HSDL1: variants seen among roughly 807,000 people sequenced by gnomAD.
The protein encoded by HSDL1 is hydroxysteroid dehydrogenase like 1, also known as inactive hydroxysteroid dehydrogenase-like protein 1.
HSDL1 carries 29 observed loss-of-function variants against 31.5 expected under a neutral mutation model. That is an observed-to-expected ratio of 0.92 (90% confidence interval 0.69 to 1.26). HSDL1 has a LOEUF of 1.26. HSDL1 is among the 50% of genes most tolerant of loss of function. The pLI is 0.00. For synonymous variants in HSDL1, 222 were observed against 155.2 expected (o/e 1.43, Z -3.20); for missense variants, 503 against 416.6 (o/e 1.21, Z -1.81).
chr16:84,135,982 C>A (rs1464830474), intron 1 of HSDL1, among the ~76,000 whole-genome samples: 1 of 152,256 alleles, frequency 6.6e-6, no homozygotes, highest in East Asian at 1.9e-4. Flanking sequence ...AGAGCAGCCA[C>A]AGCTGTCCTC....
At chr16:84,129,887 T>TC (rs1443197330) in intron 4 of HSDL1, 99 bp downstream of exon 4, 25 of 1,402,046 alleles carry the variant, frequency 1.8e-5, no homozygotes, top group African/African-American at 4.3e-5. Context: ...GATAAGCATA[T>TC]GTGAGTTGCT....
chr16:84,126,615 G>C (rs919369791), intron 5 of HSDL1, among the ~76,000 whole-genome samples: 5 of 152,188 alleles, frequency 3.3e-5, no homozygotes, highest in Admixed American at 6.5e-5. Flanking sequence ...AAGAGAGACA[G>C]GCCCTTGGCA....
chr16:84,139,751 T>A (rs1362986899), intron 1 of HSDL1, among the ~76,000 whole-genome samples: 30 of 152,220 alleles, frequency 2.0e-4, no homozygotes, highest in Non-Finnish European at 4.4e-5. Flanking sequence ...AACCACTATG[T>A]GTATTCAGGA....
chr16:84,129,131 T>A (rs2086636539), intron 5 of HSDL1, among the ~76,000 whole-genome samples: 1 of 152,158 alleles, frequency 6.6e-6, no homozygotes, highest in East Asian at 1.9e-4. Context: ...GCCTGTAATC[T>A]CAGCACTTTG....
intron 1 of HSDL1, among the ~76,000 whole-genome samples, chr16:84,137,051 G>C (rs528198608): frequency 6.6e-6 from 1 of 152,324 alleles, no homozygotes; most frequent in East Asian, 1.9e-4. Context: ...CAAACTTCTA[G>C]AACAGCAATG....
chr16:84,142,605 T>A (rs1370376092), intron 1 of HSDL1, among the ~76,000 whole-genome samples: 1 of 151,902 alleles, frequency 6.6e-6, no homozygotes, highest in African/African-American at 2.4e-5. Context: ...CTGGCTAATT[T>A]TTGTATTTTT....
At chr16:84,144,608 C>G (rs1470419674) in intron 1 of HSDL1, among the ~76,000 whole-genome samples, 1 of 152,132 alleles carries the variant, frequency 6.6e-6, no homozygotes, top group African/African-American at 2.4e-5. Flanking sequence ...CAAACCAAAT[C>G]GTTCAGAAAT....
chr16:84,131,804 G>A (rs539746955), intron 2 of HSDL1, among the ~76,000 whole-genome samples: 77 of 150,838 alleles, frequency 5.1e-4, no homozygotes, highest in African/African-American at 1.7e-3. Context: ...CTCAGCCTCC[G>A]GAGTAGCTGG....
chr16:84,140,292 T>A (rs556799661), intron 1 of HSDL1, among the ~76,000 whole-genome samples: 2 of 152,268 alleles, frequency 1.3e-5, no homozygotes, highest in South Asian at 2.1e-4. Flanking sequence ...TTAGGCCGAG[T>A]CTTGTTCTGT....
In HSDL1 at chr16:84,135,575, T is replaced by G. The variant is rs1194679301; in HGVS notation, c.-38A>C. 1 of 152,262 alleles carries G rather than the reference T, an allele frequency of 6.6e-6. No homozygotes were observed. The allele number at this position is 152,262 out of a possible 1,614,324, so 9.4% of individuals were successfully genotyped here. ...TCTGCCAGTTCTGGGCCGTCAGCAG[T>G]ATGTGGCTCCGTCCTTCTCTTAAGG... On this transcript the variant is annotated 5_prime_UTR_variant, in exon 2 of 6. Coordinates refer to ENST00000219439, the MANE Select transcript of HSDL1 (RefSeq NM_031463.5).
chr16:84,124,743 G>C lies in HSDL1; in HGVS notation c.895-15C>G. On this transcript the variant is annotated splice_polypyrimidine_tract_variant and intron_variant, in intron 5 of 5. Transcript: ENST00000219439. Reference sequence around the variant, plus strand: ...GCAAAAAGAAACTAAAAATGAAAGAGAAAAAGGTTGTAAGGTTAGAACCCA... The same window carrying C: ...GCAAAAAGAAACTAAAAATGAAAGACAAAAAGGTTGTAAGGTTAGAACCCA... 6.3e-7 allele frequency: 1 copy of C among 1,589,358 alleles called. No homozygotes were observed. Among genetic ancestry groups the C allele is most frequent in the Non-Finnish European group, 8.6e-7 (1 of 1,158,172 alleles).
chr16:84,123,108 T>G lies in HSDL1; in HGVS notation c.*1522A>C, dbSNP rs976716469. The G allele has an allele frequency of 6.6e-6, 1 of 150,932 alleles. No homozygotes were observed. The highest frequency in any genetic ancestry group is 2.0e-4 in the East Asian group (1 of 5,102). 9.3% of individuals were successfully genotyped at this position (150,932 alleles called of 1,614,324 possible). A position where few individuals can be genotyped will look rare whatever the true frequency, so the allele number is the denominator to read the frequency against. On this transcript the variant is annotated 3_prime_UTR_variant, in exon 6 of 6. Transcript: ENST00000219439. Reference sequence around the variant, plus strand: ...TCACAGCATCTCCCAGTGTGTAGATTTTCACATCTAAGTTCTGAAGACATG... The same window carrying G: ...TCACAGCATCTCCCAGTGTGTAGATGTTCACATCTAAGTTCTGAAGACATG...
chr16:84,132,008 T>C (rs1216158287), intron 2 of HSDL1, among the ~76,000 whole-genome samples: 1 of 152,218 alleles, frequency 6.6e-6, no homozygotes, highest in Non-Finnish European at 1.5e-5. Context: ...TCTCACCATT[T>C]AACATCCGTA....
chr16:84,126,090 A>G (rs546055736), intron 5 of HSDL1, among the ~76,000 whole-genome samples: 2 of 146,724 alleles, frequency 1.4e-5, no homozygotes, highest in African/African-American at 5.0e-5. Flanking sequence ...GCAACAGAGC[A>G]AAACTCTGTC....
chr16:84,124,097 A>G lies in HSDL1; in HGVS notation c.*533T>C, dbSNP rs1305303249. 6.5e-6 allele frequency: 1 copy of G among 153,880 alleles called. No individual in the cohort carries two copies. The highest frequency in any genetic ancestry group is 1.4e-5 in the Non-Finnish European group (1 of 69,112). 9.5% of individuals were successfully genotyped at this position (153,880 alleles called of 1,614,324 possible). On this transcript the variant is annotated 3_prime_UTR_variant, in exon 6 of 6. Coordinates refer to ENST00000219439, the MANE Select transcript of HSDL1 (RefSeq NM_031463.5). Reference sequence around the variant, plus strand: ...CACACACACGGTTCTCTAATGAAATACCAGTTGAAGTGCAGCATTTTCATT... The same window carrying G: ...CACACACACGGTTCTCTAATGAAATGCCAGTTGAAGTGCAGCATTTTCATT...
intron 5 of HSDL1, among the ~76,000 whole-genome samples, chr16:84,128,634 G>A (rs1039716979): frequency 6.6e-6 from 1 of 151,858 alleles, no homozygotes; most frequent in Admixed American, 6.6e-5. Context: ...AGCAGTACTA[G>A]AATCTTTTAC....
chr16:84,126,734 AC>A (rs910713982), intron 5 of HSDL1, among the ~76,000 whole-genome samples: 4 of 132,730 alleles, frequency 3.0e-5, no homozygotes, highest in African/African-American at 8.0e-5. Context: ...ACACACCCAC[AC>A]CCACACACAC....
chr16:84,139,590 TC>T (rs1455383171), intron 1 of HSDL1, among the ~76,000 whole-genome samples: 1 of 152,196 alleles, frequency 6.6e-6, no homozygotes, highest in Non-Finnish European at 1.5e-5. Flanking sequence ...GACATCTGTG[TC>T]ATTTTAAGCC....
intron 1 of HSDL1, among the ~76,000 whole-genome samples, chr16:84,140,482 C>T (rs1208822967): frequency 6.6e-6 from 1 of 152,068 alleles, no homozygotes; most frequent in Non-Finnish European, 1.5e-5. Flanking sequence ...TCAGGCTGGT[C>T]TTGAACTCCT....
Sources: allele counts gnomAD v4.1 joint callset (sites outside exome capture counted in the v4.1 genomes callset), GRCh38; gene constraint gnomAD v4.1.1; transcripts MANE v1.5; gene names NCBI Gene and HGNC (gene_info 2026-07-23, HGNC 2026-07-21).